UGT1A7: variants seen among roughly 807,000 people sequenced by gnomAD.
The protein encoded by UGT1A7 is UDP-glucuronosyltransferase 1A7.
In UGT1A7, 33 loss-of-function variants were observed where a neutral mutation model predicts 45.6. That is an observed-to-expected ratio of 0.72 (90% CI 0.55 to 0.97). The LOEUF is 0.97. Ranked by LOEUF, UGT1A7 falls within the 50% of genes least tolerant of loss-of-function variation. UGT1A7 has a pLI of 0.00. For missense variants in UGT1A7, 684 were observed against 666.2 expected (o/e 1.03, Z -0.29); for synonymous variants, 274 against 250.6 (o/e 1.09, Z -0.88).
At chr2:233,760,900 A>G in intron 1 of UGT1A7, 1 of 1,613,770 alleles carries the variant, frequency 6.2e-7, no homozygotes, top group Non-Finnish European at 8.5e-7. Context: ...AGATCACATG[A>G]CCTTCCTGCA....
At chr2:233,719,858 C>A (rs368218473) in intron 1 of UGT1A7, among the ~76,000 whole-genome samples, 1 of 152,098 alleles carries the variant, frequency 6.6e-6, no homozygotes, top group East Asian at 1.9e-4. Flanking sequence ...TTTCAGTGGT[C>A]ACTGAGAGGA....
At chr2:233,743,874 A>T in intron 1 of UGT1A7, 1 of 1,367,118 alleles carries the variant, frequency 7.3e-7, no homozygotes, top group Non-Finnish European at 9.8e-7. Context: ...GCCTCGGATG[A>T]GGCCTGCCGG....
At chr2:233,693,537 T>C (rs559606091) in intron 1 of UGT1A7, 4 of 1,614,218 alleles carry the variant, frequency 2.5e-6, no homozygotes, top group South Asian at 2.2e-5. Context: ...CCGTGTTCCC[T>C]GGAGCATACA....
rs1348146797 is a variant in UGT1A7, at chr2:233,724,071, C to G, written c.855+41279C>G. Among the ~76,000 whole-genome samples the G allele has an allele frequency of 1.6e-4, 15 of 96,248 alleles. 1 individual carries two copies. Among genetic ancestry groups the G allele is most frequent in the African/African-American group, 2.3e-4 (4 of 17,278 alleles). 63.1% of individuals were successfully genotyped at this position (96,248 alleles called of 152,430 possible). A position where few individuals can be genotyped will look rare whatever the true frequency, so the allele number is the denominator to read the frequency against. On this transcript the variant is annotated intron_variant, in intron 1 of 4. Coordinates refer to ENST00000373426, the MANE Select transcript of UGT1A7 (RefSeq NM_019077.3). ...CACACCTCCCAGACGGGGTGGTGGCCGGGCAGAGGGGCTCCTCACTTCCCA... is the reference window on the plus strand; with the variant it reads ...CACACCTCCCAGACGGGGTGGTGGCGGGGCAGAGGGGCTCCTCACTTCCCA...
At chr2:233,725,028 T>C (rs2077347799) in intron 1 of UGT1A7, among the ~76,000 whole-genome samples, 1 of 148,182 alleles carries the variant, frequency 6.7e-6, no homozygotes, top group African/African-American at 2.5e-5. Flanking sequence ...AAACCCGGTC[T>C]CCACCAAAAC....
chr2:233,766,578 G>C (rs1048038001), intron 1 of UGT1A7, among the ~76,000 whole-genome samples: 1 of 152,134 alleles, frequency 6.6e-6, no homozygotes, highest in Non-Finnish European at 1.5e-5. Flanking sequence ...ACAGGTCTGG[G>C]GGTGGAGCCC....
At chr2:233,758,413 A>G (rs578024460) in intron 1 of UGT1A7, among the ~76,000 whole-genome samples, 1 of 152,136 alleles carries the variant, frequency 6.6e-6, no homozygotes, top group African/African-American at 2.4e-5. Context: ...ACTGTCTATA[A>G]TCTGCAAATG....
At chr2:233,746,438 T>A (rs1187941624) in intron 1 of UGT1A7, among the ~76,000 whole-genome samples, 3 of 151,694 alleles carry the variant, frequency 2.0e-5, no homozygotes, top group Admixed American at 1.3e-4. Flanking sequence ...TGTCTTCAGC[T>A]TAAAAAGAAA....
intron 1 of UGT1A7, chr2:233,754,420 G>A (rs2125925827): frequency 2.9e-6 from 1 of 342,686 alleles, no homozygotes; most frequent in East Asian, 7.5e-5. Context: ...ATAAAGACAG[G>A]CATTGGCATA....
At chr2:233,755,984 T>G (rs1407833080) in intron 1 of UGT1A7, 1 of 152,244 alleles carries the variant, frequency 6.6e-6, no homozygotes, top group African/African-American at 2.4e-5. Flanking sequence ...TGGATTCTCA[T>G]GTCAGCTTCT....
At chr2:233,743,465 C>G in intron 1 of UGT1A7, 1 of 1,366,596 alleles carries the variant, frequency 7.3e-7, no homozygotes, top group Non-Finnish European at 9.8e-7. Flanking sequence ...AAAACACCCC[C>G]AAAAGCTGGA....
chr2:233,732,919 A>G (rs1421681108), intron 1 of UGT1A7, among the ~76,000 whole-genome samples: 1 of 151,874 alleles, frequency 6.6e-6, no homozygotes, highest in Non-Finnish European at 1.5e-5. Flanking sequence ...CATTTTCACG[A>G]TATTGATTCT....
chr2:233,772,541 C>T lies in UGT1A7; in HGVS notation c.1575C>T (p.His525=), dbSNP rs1391662449. The T allele has an allele frequency of 1.2e-6, 2 of 1,613,996 alleles. No homozygotes were observed. Among genetic ancestry groups the T allele is most frequent in the Non-Finnish European group, 1.7e-6 (2 of 1,180,012 alleles). ...AAAAAGGGCGAGTTAAGAAAGCCCACAAATCCAAGACCCATTGAGAAGTGG... is the reference window on the plus strand; with the variant it reads ...AAAAAGGGCGAGTTAAGAAAGCCCATAAATCCAAGACCCATTGAGAAGTGG... The part of the protein sequence containing the change: ...LGKKGRVKKA[H]KSKTH The change falls in exon 5 of 5, where the codon CAC becomes CAT. Residue 525 remains histidine (H), a synonymous_variant. Transcript: ENST00000373426.
chr2:233,692,922 T>G (rs1238598639), intron 1 of UGT1A7: 1 of 1,573,000 alleles, frequency 6.4e-7, no homozygotes, highest in Non-Finnish European at 8.6e-7. Context: ...AAGCAGTGGT[T>G]AGTTTAGGGA....
At chr2:233,689,295 C>A (rs1284988088) in intron 1 of UGT1A7, among the ~76,000 whole-genome samples, 1 of 151,188 alleles carries the variant, frequency 6.6e-6, no homozygotes, top group Non-Finnish European at 1.5e-5. Flanking sequence ...GGTTCACTCA[C>A]CCAGCACAGT....
intron 1 of UGT1A7, among the ~76,000 whole-genome samples, chr2:233,685,011 G>A (rs1056459457): frequency 6.6e-5 from 10 of 152,158 alleles, no homozygotes; most frequent in African/African-American, 9.7e-5. Flanking sequence ...GTTTGTGCAC[G>A]TATGTGTCTG....
chr2:233,742,382 T>C (rs1691962910), intron 1 of UGT1A7, among the ~76,000 whole-genome samples: 1 of 152,014 alleles, frequency 6.6e-6, no homozygotes, highest in Admixed American at 6.5e-5. Flanking sequence ...AAGGCACAGA[T>C]GGCTCATGTT....
intron 1 of UGT1A7, among the ~76,000 whole-genome samples, chr2:233,765,966 G>A (rs538817499): frequency 3.1e-4 from 47 of 152,252 alleles, no homozygotes; most frequent in African/African-American, 1.1e-3. Context: ...GTGTCTAGAG[G>A]TGGATGTTTA....
Position 233,769,622 on chromosome 2 carries a change from G to A in UGT1A7, c.1295+1183G>A, listed in dbSNP as rs926017310. 24 of 1,612,268 alleles carry A rather than the reference G, an allele frequency of 1.5e-5. No homozygotes were observed. Among genetic ancestry groups the A allele is most frequent in the Non-Finnish European group, 1.8e-5 (21 of 1,179,686 alleles). ...CACGGGGACACACCAGCTTGAGCAAGGGACAACAGGGGAGGACTGATGACT... is the reference window on the plus strand; with the variant it reads ...CACGGGGACACACCAGCTTGAGCAAAGGACAACAGGGGAGGACTGATGACT... On this transcript the variant is annotated intron_variant, in intron 4 of 4. Transcript: ENST00000373426. The surrounding 1 kb of genome is among the most constrained non-coding windows in gnomAD (Gnocchi z 4.4).
Sources: allele counts gnomAD v4.1 joint callset (sites outside exome capture counted in the v4.1 genomes callset), GRCh38; gene constraint gnomAD v4.1.1; non-coding constraint Gnocchi (gnomAD v3.1); transcripts MANE v1.5; gene names NCBI Gene and HGNC (gene_info 2026-07-23, HGNC 2026-07-21).